The following NCOA2 variants were observed in gnomAD, a reference collection of about 807,000 sequenced individuals.
NCOA2 encodes class E basic helix-loop-helix protein 75.
Under a neutral mutation model 145.1 loss-of-function variants are expected in NCOA2, and 21 were observed. The observed-to-expected ratio is 0.14, with a 90% CI of 0.10 to 0.21. The LOEUF is 0.21. NCOA2 is among the 10% of genes least tolerant of loss of function. The pLI is 1.00. For synonymous variants in NCOA2, 619 were observed against 637.5 expected (o/e 0.97, Z 0.44); for missense variants, 1,472 against 1,837.6 (o/e 0.80, Z 3.64).
At chr8:70,451,237 A>AAATATATAT in the NCOA2 span, among the ~76,000 whole-genome samples, 3 of 69,512 alleles carry the variant, frequency 4.3e-5, no homozygotes, top group African/African-American at 2.3e-4. Context: ...AAAAAAAAAA[A>AAATATATAT]ATATATATAT....
chr8:70,134,845 G>A (rs993270734), intron 15 of NCOA2, among the ~76,000 whole-genome samples: 1 of 152,024 alleles, frequency 6.6e-6, no homozygotes, highest in Non-Finnish European at 1.5e-5. Context: ...TCCCACTTTG[G>A]TCAAGGCCCT....
At chr8:70,265,511 C>T (rs1824495002) in intron 2 of NCOA2, among the ~76,000 whole-genome samples, 1 of 152,310 alleles carries the variant, frequency 6.6e-6, no homozygotes, top group South Asian at 2.1e-4. Context: ...CATAGCATGG[C>T]AGTTCTCAAT....
At chr8:70,176,226 G>C (rs1814830050) in intron 4 of NCOA2, among the ~76,000 whole-genome samples, 1 of 152,210 alleles carries the variant, frequency 6.6e-6, no homozygotes, top group African/African-American at 2.4e-5. Context: ...AGTTCCAAAT[G>C]TAGTAATTTC....
rs765116146 is a variant in NCOA2 at position 70,123,944 on chromosome 8, G to C, written c.4233C>G (p.Ile1411Met). The change falls in exon 21 of 23, where the codon ATC becomes ATG. Residue 1411 changes from isoleucine to methionine, a missense_variant. Transcript: ENST00000452400. ...GCACGGAGGTCACTGAGGTCATGCT[G>C]ATCTGTCCTGTCATCTGGTTCATGC... The part of the protein sequence containing the change: ...MSSMNQMTGQ[I>M]SMTSVTSVPT... 5 of 1,613,990 alleles carry C rather than the reference G, an allele frequency of 3.1e-6. No individual in the cohort carries two copies. Among genetic ancestry groups the C allele is most frequent in the South Asian group, 2.2e-5 (2 of 91,056 alleles).
chr8:70,344,625 C>A (rs1808447620), intron 1 of NCOA2, among the ~76,000 whole-genome samples: 1 of 152,144 alleles, frequency 6.6e-6, no homozygotes, highest in African/African-American at 2.4e-5. Context: ...AAATGAGACT[C>A]TATTCTGTGA....
At position 70,155,197 on chromosome 8, in the gene NCOA2, A is replaced by G. The variant is rs905992017; in HGVS notation, c.2394+774T>C. ...TACATACCATGGCTCAGACGTACTAATATCAGTTCAATCTTTCTTTCTCCT... is the reference window on the plus strand; with the variant it reads ...TACATACCATGGCTCAGACGTACTAGTATCAGTTCAATCTTTCTTTCTCCT... On this transcript the variant is annotated intron_variant, in intron 11 of 22. Coordinates refer to ENST00000452400, the MANE Select transcript of NCOA2 (RefSeq NM_006540.4). 7.2e-5 allele frequency among the ~76,000 whole-genome samples: 11 copies of G among 152,180 alleles called. 1 individual carries two copies. Among genetic ancestry groups the G allele is most frequent in the Admixed American group, 5.9e-4 (9 of 15,282 alleles).
At chr8:70,281,407 G>A (rs962301723) in intron 2 of NCOA2, among the ~76,000 whole-genome samples, 1 of 149,398 alleles carries the variant, frequency 6.7e-6, no homozygotes, top group East Asian at 2.0e-4. Context: ...GAAATTCCAG[G>A]TATGAAAGAC....
intron 21 of NCOA2, among the ~76,000 whole-genome samples, chr8:70,123,251 T>C (rs1391684435): frequency 6.6e-6 from 1 of 152,238 alleles, no homozygotes; most frequent in Non-Finnish European, 1.5e-5. Flanking sequence ...ATTATCTGTG[T>C]CGGTCTCTTT....
chr8:70,133,605 A>G (rs1015243918), intron 15 of NCOA2, among the ~76,000 whole-genome samples: 1 of 152,226 alleles, frequency 6.6e-6, no homozygotes, highest in Non-Finnish European at 1.5e-5. Context: ...CCAAAAGTCT[A>G]TTTTGTACTC....
intron 1 of NCOA2, among the ~76,000 whole-genome samples, chr8:70,357,602 G>T (rs563226966): frequency 6.6e-6 from 1 of 152,044 alleles, no homozygotes; most frequent in South Asian, 2.1e-4. Flanking sequence ...TTCGCCAGGC[G>T]TTGTGGTGGG....
intron 11 of NCOA2, among the ~76,000 whole-genome samples, chr8:70,150,755 C>G (rs532859523): frequency 6.6e-6 from 1 of 152,276 alleles, no homozygotes; most frequent in Non-Finnish European, 1.5e-5. Context: ...AGATTGTCCT[C>G]CAAGGACAGT....
In NCOA2 at chr8:70,111,285, G is replaced by A. The variant is rs1279812552; in HGVS notation, c.*2347C>T. The A allele has an allele frequency of 1.3e-5, 3 of 226,622 alleles. No individual in the cohort carries two copies. Among genetic ancestry groups the A allele is most frequent in the African/African-American group, 2.2e-5 (1 of 44,996 alleles). The allele number at this position is 226,622 out of a possible 1,614,324, so 14.0% of individuals were successfully genotyped here. ...GTAGATAGTTTTGGACGGTGTTGTAGTGAAAAGGGACTTGAAACTCAAAAC... is the reference window on the plus strand; with the variant it reads ...GTAGATAGTTTTGGACGGTGTTGTAATGAAAAGGGACTTGAAACTCAAAAC... On this transcript the variant is annotated 3_prime_UTR_variant, in exon 23 of 23. Coordinates refer to ENST00000452400, the MANE Select transcript of NCOA2 (RefSeq NM_006540.4).
intron 2 of NCOA2, among the ~76,000 whole-genome samples, chr8:70,223,398 T>C (rs1314292725): frequency 6.6e-6 from 1 of 152,226 alleles, no homozygotes; most frequent in East Asian, 1.9e-4. Context: ...TTGTCAACAG[T>C]TCTTAAATAA....
intron 2 of NCOA2, among the ~76,000 whole-genome samples, chr8:70,249,898 G>A (rs1373434401): frequency 1.4e-5 from 2 of 144,212 alleles, no homozygotes; most frequent in Admixed American, 7.4e-5. Flanking sequence ...GGGAGGCAGA[G>A]GTTGCAGTGA....
chr8:70,381,213 AT>A (rs1812166009), intron 1 of NCOA2, among the ~76,000 whole-genome samples: 1 of 151,868 alleles, frequency 6.6e-6, no homozygotes, highest in African/African-American at 2.4e-5. Flanking sequence ...TTCCATAGTA[AT>A]TTTTTGTAAC....
At chr8:70,447,682 C>CTTTTTTTTTTTTT in the NCOA2 span, among the ~76,000 whole-genome samples, 6 of 113,066 alleles carry the variant, frequency 5.3e-5, no homozygotes, top group African/African-American at 1.8e-4. Context: ...TCTTTGTTTT[C>CTTTTTTTTTTTTT]TTTTTTTTTT....
rs186710940 is a variant in NCOA2 at position 70,229,230 on chromosome 8, T to G, written c.-19-12466A>C. 1.5e-4 allele frequency among the ~76,000 whole-genome samples: 23 copies of G among 152,334 alleles called. 1 individual carries two copies. The highest frequency in any genetic ancestry group is 5.5e-4 in the African/African-American group (23 of 41,576). ...TGAGTAGCTGCTAAGGGCAAAATGC[T>G]TTGCTCTATGGACACTGCAATACAG... On this transcript the variant is annotated intron_variant, in intron 2 of 22. Transcript: ENST00000452400.
chr8:70,343,766 G>A (rs1586552674), intron 1 of NCOA2, among the ~76,000 whole-genome samples: 2 of 151,106 alleles, frequency 1.3e-5, no homozygotes, highest in African/African-American at 2.4e-5. Flanking sequence ...AGCCAAGATC[G>A]TGCCACTGCA....
At chr8:70,329,252 G>T (rs1408432277) in intron 1 of NCOA2, among the ~76,000 whole-genome samples, 1 of 151,958 alleles carries the variant, frequency 6.6e-6, no homozygotes, top group Admixed American at 6.6e-5. Flanking sequence ...AAGTAGTTGG[G>T]ACTACAGGCG....
Sources: gnomAD v4.1 joint callset for allele counts (sites outside exome capture counted in the v4.1 genomes callset) on GRCh38, gnomAD v4.1.1 for gene constraint, MANE v1.5 for transcripts, NCBI Gene and HGNC (gene_info 2026-07-23, HGNC 2026-07-21) for gene names.